Variants in GAS7 observed in about 807,000 individuals in gnomAD.
GAS7 encodes growth arrest specific 7.
GAS7 carries 28 observed loss-of-function variants against 71.1 expected under a neutral mutation model. The ratio of observed to expected loss-of-function variants is 0.39; its 90% CI spans 0.29 to 0.54. GAS7 has a LOEUF of 0.54. Among genes scored for constraint, GAS7 ranks in the 20% least tolerant of loss-of-function variants. The probability of loss-of-function intolerance (pLI) is 0.62; values close to 1 mark genes in which losing one functional copy is unlikely to be tolerated. For missense variants in GAS7, 436 were observed against 627.8 expected (o/e 0.69, Z 3.27); for synonymous variants, 258 against 245.8 (o/e 1.05, Z -0.46).
Position 9,912,900 on chromosome 17 carries a change from G to A in GAS7, c.*4328C>T, listed in dbSNP as rs1392883886. On this transcript the variant is annotated 3_prime_UTR_variant, in exon 14 of 14. Coordinates refer to ENST00000432992, the MANE Select transcript of GAS7 (RefSeq NM_201433.2). ...GGCAAGGAGAAGGAACAAACCACAC[G>A]CACACATCATGAATGACTCAAAAGC... 2.1e-5 allele frequency: 5 copies of A among 232,706 alleles called. No individual in the cohort carries two copies. Among genetic ancestry groups the A allele is most frequent in the East Asian group, 6.0e-5 (1 of 16,544 alleles). The allele number at this position is 232,706 out of a possible 1,614,324, so 14.4% of individuals were successfully genotyped here. A position where few individuals can be genotyped will look rare whatever the true frequency, so the allele number is the denominator to read the frequency against.
At chr17:10,190,579 C>CAA (rs763366804) in intron 1 of GAS7, among the ~76,000 whole-genome samples, 4 of 103,404 alleles carry the variant, frequency 3.9e-5, no homozygotes, top group African/African-American at 3.7e-5. Context: ...GACTCCGTCT[C>CAA]AAAAAAAAAA....
At chr17:10,173,086 A>G (rs2142133363) in intron 1 of GAS7, among the ~76,000 whole-genome samples, 2 of 152,310 alleles carry the variant, frequency 1.3e-5, no homozygotes, top group East Asian at 3.9e-4. Context: ...TACGAAGTCC[A>G]CCCATTCTGA....
intron 1 of GAS7, among the ~76,000 whole-genome samples, chr17:10,194,761 G>A (rs1387536302): frequency 2.0e-5 from 3 of 150,082 alleles, no homozygotes; most frequent in African/African-American, 7.3e-5. Context: ...ATCACAAGGT[G>A]AGGAGATCGA....
chr17:10,167,474 G>A (rs185796588), intron 1 of GAS7, among the ~76,000 whole-genome samples: 2 of 152,260 alleles, frequency 1.3e-5, no homozygotes, highest in African/African-American at 4.8e-5. Flanking sequence ...AGGAGAGAAT[G>A]GGCTGGGCTG....
chr17:10,062,369 C>T (rs1367388494), intron 1 of GAS7, among the ~76,000 whole-genome samples: 1 of 152,142 alleles, frequency 6.6e-6, no homozygotes, highest in Admixed American at 6.5e-5. Context: ...CGTGTAATCT[C>T]GACAACTCAG....
Position 9,959,485 on chromosome 17 carries a change from C to T in GAS7, c.472-230G>A. ...ATTAAGGAAGCCTCCTGCACAGGCTCTGAGAGAACTGCTCCAAACCAGGTC... is the reference window on the plus strand; with the variant it reads ...ATTAAGGAAGCCTCCTGCACAGGCTTTGAGAGAACTGCTCCAAACCAGGTC... On this transcript the variant is annotated intron_variant, in intron 4 of 13. Coordinates refer to ENST00000432992, the MANE Select transcript of GAS7 (RefSeq NM_201433.2). This position sits in a 1 kb window ranked among gnomAD's most constrained non-coding sequence, Gnocchi z 5.0. The T allele has an allele frequency of 5.7e-6, 8 of 1,396,312 alleles. No individual in the cohort carries two copies. The highest frequency in any genetic ancestry group is 7.4e-6 in the Non-Finnish European group (8 of 1,076,066). The allele number at this position is 1,396,312 out of a possible 1,614,324, so 86.5% of individuals were successfully genotyped here.
chr17:9,951,526 ATGGG>A (rs770935693), intron 5 of GAS7, among the ~76,000 whole-genome samples: 19 of 152,132 alleles, frequency 1.2e-4, no homozygotes, highest in Non-Finnish European at 2.4e-4. Context: ...GGAGGCCGAG[ATGGG>A]TGGATCACCT....
intron 1 of GAS7, among the ~76,000 whole-genome samples, chr17:10,179,801 C>T (rs552124902): frequency 2.0e-5 from 3 of 152,050 alleles, no homozygotes; most frequent in Non-Finnish European, 4.4e-5. Context: ...AGGTCCCCAC[C>T]CAAAATGGTG....
intron 1 of GAS7, among the ~76,000 whole-genome samples, chr17:10,029,314 G>A (rs2072551541): frequency 6.6e-6 from 1 of 152,132 alleles, no homozygotes; most frequent in South Asian, 2.1e-4. Context: ...CTAGAGACAA[G>A]TACTCATGTC....
chr17:10,197,576 C>A (rs527720572), intron 1 of GAS7, among the ~76,000 whole-genome samples: 3 of 152,222 alleles, frequency 2.0e-5, no homozygotes, highest in African/African-American at 7.2e-5. Context: ...AAGCCACTTT[C>A]GGGTTCTGAG....
rs546452505 is a variant in GAS7 at position 10,098,828 on chromosome 17, G to A, written c.184-78931C>T. Among the ~76,000 whole-genome samples, 10 of 152,252 alleles carry A rather than the reference G, an allele frequency of 6.6e-5. No homozygotes were observed. The East Asian group carries it at 1.2e-3, about 18-fold the overall frequency. ...CAAAAAATTAGCCGGGTGTGGTGGC[G>A]GGCACCTGTAGTCCCAGCTACTTGG... On this transcript the variant is annotated intron_variant, in intron 1 of 13. Transcript: ENST00000432992.
rs116734026 is a variant in GAS7, at chr17:10,076,976, C to T, written c.184-57079G>A. 7.2e-3 allele frequency among the ~76,000 whole-genome samples: 1,094 copies of T among 152,298 alleles called. 14 individuals carry two copies. The highest frequency in any genetic ancestry group is 0.025 in the African/African-American group (1,038 of 41,556). ...CCGCCAGAAAATTGACTGCCCTTTG[C>T]CATATTTTGTTTTGTTATTTCTGAT... On this transcript the variant is annotated intron_variant, in intron 1 of 13. Transcript: ENST00000432992.
intron 1 of GAS7, chr17:10,061,511 G>A (rs929820565): frequency 1.3e-5 from 2 of 152,252 alleles, no homozygotes; most frequent in Non-Finnish European, 1.5e-5. Context: ...CCTTGCCAAG[G>A]CCCCAGCAAG....
At position 10,174,458 on chromosome 17, in the gene GAS7, C is replaced by T. The variant is rs183359742; in HGVS notation, c.183+23750G>A. Among the ~76,000 whole-genome samples the T allele has an allele frequency of 8.1e-4, 123 of 152,216 alleles. 1 individual carries two copies. Among genetic ancestry groups the T allele is most frequent in the African/African-American group, 2.8e-3 (116 of 41,552 alleles). ...CTATAATCCCAGCACTCTGGGAGGC[C>T]GAGACGGGCGGATCACGAGGTCAGG... On this transcript the variant is annotated intron_variant, in intron 1 of 13. Transcript: ENST00000432992.
At chr17:9,961,901 T>C (rs538055733) in intron 4 of GAS7, among the ~76,000 whole-genome samples, 14 of 152,300 alleles carry the variant, frequency 9.2e-5, no homozygotes, top group Non-Finnish European at 1.8e-4. Context: ...CAATATTTTG[T>C]TTTCCATGTG....
At chr17:10,186,297 C>A (rs1024591684) in intron 1 of GAS7, among the ~76,000 whole-genome samples, 1 of 151,890 alleles carries the variant, frequency 6.6e-6, no homozygotes, top group Admixed American at 6.6e-5. Context: ...GATATGCACA[C>A]CCATTCATGT....
intron 1 of GAS7, among the ~76,000 whole-genome samples, chr17:10,160,861 A>G (rs2074248964): frequency 1.3e-5 from 2 of 151,408 alleles, no homozygotes; most frequent in Non-Finnish European, 2.9e-5. Context: ...AACTGCTGGC[A>G]TGAGCCACCA....
At chr17:10,190,755 C>T (rs1440764810) in intron 1 of GAS7, among the ~76,000 whole-genome samples, 1 of 151,748 alleles carries the variant, frequency 6.6e-6, no homozygotes, top group Non-Finnish European at 1.5e-5. Context: ...TTTTGGCTTC[C>T]CTGGGCCACA....
rs894355361 is a variant in GAS7 at position 9,914,958 on chromosome 17, C to T, written c.*2270G>A. 37 of 232,454 alleles carry T rather than the reference C, an allele frequency of 1.6e-4. No homozygotes were observed. Among genetic ancestry groups the T allele is most frequent in the Admixed American group, 1.1e-3 (19 of 17,770 alleles). 14.4% of individuals were successfully genotyped at this position (232,454 alleles called of 1,614,324 possible). A position where few individuals can be genotyped will look rare whatever the true frequency, so the allele number is the denominator to read the frequency against. ...TAAGACCCCTGAAAACGAGCGATCA[C>T]GGGCTTCCCTGACGACAGGGCCATT... On this transcript the variant is annotated 3_prime_UTR_variant, in exon 14 of 14. Transcript: ENST00000432992.
Sources: gnomAD v4.1 joint callset for allele counts (sites outside exome capture counted in the v4.1 genomes callset) on GRCh38, gnomAD v4.1.1 for gene constraint, Gnocchi (gnomAD v3.1) non-coding constraint, MANE v1.5 for transcripts, NCBI Gene and HGNC (gene_info 2026-07-23, HGNC 2026-07-21) for gene names.